Variants in FRMD5 observed in about 807,000 individuals in gnomAD.
FRMD5 encodes FERM domain-containing protein 5.
FRMD5 carries 20 observed loss-of-function variants against 69.0 expected under a neutral mutation model. That is an observed-to-expected ratio of 0.29 (90% confidence interval 0.20 to 0.42). The LOEUF (loss-of-function observed/expected upper bound fraction) is 0.42. FRMD5 is among the 10% of genes least tolerant of loss of function. The pLI is 1.00. For synonymous variants in FRMD5, 271 were observed against 260.1 expected (o/e 1.04, Z -0.40); for missense variants, 595 against 708.6 (o/e 0.84, Z 1.82).
In FRMD5 at chr15:43,976,300, T is replaced by A. The variant is rs1226077866; in HGVS notation, c.103-51991A>T. Among the ~76,000 whole-genome samples the A allele has an allele frequency of 1.3e-5, 2 of 152,110 alleles. 1 individual carries two copies. The highest frequency in any genetic ancestry group is 4.1e-4 in the South Asian group (2 of 4,826). On this transcript the variant is annotated intron_variant, in intron 1 of 13. Coordinates refer to ENST00000417257, the MANE Select transcript of FRMD5 (RefSeq NM_032892.5). ...AAATAAATGGATATATTAGTCTTTA[T>A]CAAAATTTAAAACTGCTTTTCAAAA...
At chr15:43,947,476 A>G (rs2089965082) in intron 1 of FRMD5, among the ~76,000 whole-genome samples, 1 of 152,250 alleles carries the variant, frequency 6.6e-6, no homozygotes, top group African/African-American at 2.4e-5. Context: ...CAATTTACAA[A>G]AGAAAATCCA....
At chr15:43,922,231 CT>C (rs1461863276) in intron 2 of FRMD5, among the ~76,000 whole-genome samples, 1 of 152,248 alleles carries the variant, frequency 6.6e-6, no homozygotes, top group Non-Finnish European at 1.5e-5. Flanking sequence ...TCGAGGCTGG[CT>C]TTGCCACTGA....
At chr15:43,948,594 C>T (rs990436478) in intron 1 of FRMD5, among the ~76,000 whole-genome samples, 5 of 152,172 alleles carry the variant, frequency 3.3e-5, no homozygotes, top group African/African-American at 1.2e-4. Flanking sequence ...ACTTATAAAA[C>T]AGTTTCCATA....
chr15:44,073,976 C>T (rs1394070871), intron 1 of FRMD5, among the ~76,000 whole-genome samples: 2 of 151,926 alleles, frequency 1.3e-5, no homozygotes, highest in Non-Finnish European at 2.9e-5. Context: ...AACAGTAATC[C>T]AACACCATGT....
chr15:44,040,668 C>T (rs952735430), intron 1 of FRMD5, among the ~76,000 whole-genome samples: 27 of 152,076 alleles, frequency 1.8e-4, no homozygotes, highest in African/African-American at 5.6e-4. Flanking sequence ...GTAGGAAACA[C>T]TAAACATGGA....
intron 1 of FRMD5, among the ~76,000 whole-genome samples, chr15:44,094,027 C>A (rs2076514974): frequency 6.6e-6 from 1 of 152,128 alleles, no homozygotes; most frequent in African/African-American, 2.4e-5. Context: ...ACATTGCATT[C>A]CATATCTCCA....
At chr15:44,177,709 T>C (rs34555378) in intron 1 of FRMD5, among the ~76,000 whole-genome samples, 7,540 of 152,290 alleles carry the variant, frequency 0.05, 247 homozygotes, top group Middle Eastern at 0.085. Context: ...ATGAACTTTA[T>C]GGTATGTAAA....
At chr15:44,025,360 A>G (rs1891386037) in intron 1 of FRMD5, among the ~76,000 whole-genome samples, 1 of 152,216 alleles carries the variant, frequency 6.6e-6, no homozygotes, top group Non-Finnish European at 1.5e-5. Flanking sequence ...TGGACATTAA[A>G]GGAAGTTAGA....
At chr15:44,116,919 T>C (rs1250947152) in intron 1 of FRMD5, among the ~76,000 whole-genome samples, 1 of 130,742 alleles carries the variant, frequency 7.6e-6, no homozygotes, top group Non-Finnish European at 1.6e-5. Context: ...CTGTCTCTAC[T>C]AAAAATACAA....
chr15:43,948,818 C>A (rs528466547), intron 1 of FRMD5, among the ~76,000 whole-genome samples: 2 of 152,270 alleles, frequency 1.3e-5, no homozygotes, highest in African/African-American at 4.8e-5. Context: ...CAGGCATGAC[C>A]CACTTTGAGG....
At chr15:44,085,444 AGAT>A (rs926477208) in intron 1 of FRMD5, among the ~76,000 whole-genome samples, 1 of 152,202 alleles carries the variant, frequency 6.6e-6, no homozygotes, top group African/African-American at 2.4e-5. Context: ...GTTTTCAAGA[AGAT>A]AAGGCAACGA....
intron 1 of FRMD5, among the ~76,000 whole-genome samples, chr15:43,975,898 T>C (rs2090454574): frequency 6.6e-6 from 1 of 152,094 alleles, no homozygotes; most frequent in African/African-American, 2.4e-5. Flanking sequence ...ACCAAGACAG[T>C]GTGGTACTGA....
At chr15:43,894,730 T>C (rs572306788) in intron 7 of FRMD5, among the ~76,000 whole-genome samples, 2 of 152,208 alleles carry the variant, frequency 1.3e-5, no homozygotes, top group South Asian at 4.1e-4. Context: ...CTGGCTCATA[T>C]GGGCAGTGAC....
intron 1 of FRMD5, among the ~76,000 whole-genome samples, chr15:44,104,937 T>C (rs2076694397): frequency 6.6e-6 from 1 of 152,182 alleles, no homozygotes; most frequent in East Asian, 1.9e-4. Context: ...TATTGCATTA[T>C]ATGGATATAC....
At chr15:44,006,967 A>G (rs1329670838) in intron 1 of FRMD5, among the ~76,000 whole-genome samples, 2 of 152,254 alleles carry the variant, frequency 1.3e-5, no homozygotes, top group East Asian at 3.8e-4. Flanking sequence ...GTTAAACAGC[A>G]TTGCATGCTA....
intron 4 of FRMD5, among the ~76,000 whole-genome samples, chr15:43,915,246 G>A (rs1178129749): frequency 2.0e-5 from 3 of 152,190 alleles, no homozygotes; most frequent in Admixed American, 6.5e-5. Context: ...TTTATGTATC[G>A]TCTATGGCTG....
rs944029920 is a variant in FRMD5 at position 44,156,903 on chromosome 15, A to AAT, written c.102+38048_102+38049dup. ...GCAACATAGAGAGATTTTGTCCCAA[A>AAT]ATATATATATATAAAAATGCAAAAA... On this transcript the variant is annotated intron_variant, in intron 1 of 13. Transcript: ENST00000417257. Among the ~76,000 whole-genome samples the AAT allele has an allele frequency of 3.3e-5, 5 of 151,814 alleles. No homozygotes were observed. In the South Asian group the frequency reaches 6.2e-4, roughly 19 times the overall value.
chr15:43,911,531 G>T (rs1205215198), intron 4 of FRMD5, among the ~76,000 whole-genome samples: 1 of 152,176 alleles, frequency 6.6e-6, no homozygotes, highest in Admixed American at 6.5e-5. Flanking sequence ...CAAGCCTGTG[G>T]ATCACTGCAG....
intron 4 of FRMD5, among the ~76,000 whole-genome samples, chr15:43,913,428 C>T (rs1031483192): frequency 1.3e-5 from 2 of 152,242 alleles, no homozygotes; most frequent in Non-Finnish European, 2.9e-5. Flanking sequence ...ATGAGCTGCA[C>T]CAGGGCTCCC....
Sources: allele counts gnomAD v4.1 joint callset (sites outside exome capture counted in the v4.1 genomes callset), GRCh38; gene constraint gnomAD v4.1.1; transcripts MANE v1.5; gene names NCBI Gene and HGNC (gene_info 2026-07-23, HGNC 2026-07-21).